The following LANCL3 variants were observed in gnomAD, a reference collection of about 807,000 sequenced individuals.
The protein encoded by LANCL3 is LanC like family member 3, also known as lanC-like protein 3.
In LANCL3, 19 loss-of-function variants were observed where a neutral mutation model predicts 26.5. The observed-to-expected ratio is 0.72, with a 90% CI of 0.50 to 1.05. The LOEUF is 1.05. Among genes scored for constraint, LANCL3 ranks in the 50% least tolerant of loss-of-function variants. The pLI, the probability that LANCL3 is intolerant of heterozygous loss-of-function variation, is 0.00. For missense variants in LANCL3, 318 were observed against 362.7 expected, an observed-to-expected ratio of 0.88 and a Z score of 1.00; for synonymous variants, 160 against 166.6, an observed-to-expected ratio of 0.96 and a Z score of 0.30.
At chrX:37,655,955 A>G (rs1926273978) in intron 2 of LANCL3, 144 bp downstream of exon 2, 9 of 420,304 alleles carry the variant, frequency 2.1e-5, no homozygotes, top group Non-Finnish European at 3.5e-5. Context: ...TTAAAAACCT[A>G]TACTGATACA....
At chrX:37,640,415 T>A (rs1306404293) in intron 1 of LANCL3, among the ~76,000 whole-genome samples, 3 of 111,165 alleles carry the variant, frequency 2.7e-5, no homozygotes, top group African/African-American at 9.8e-5. Flanking sequence ...CCCGCCCCCA[T>A]GATTCAATCA....
chrX:37,591,661 C>G (rs1277518196), intron 1 of LANCL3, among the ~76,000 whole-genome samples: 1 of 109,387 alleles, frequency 9.1e-6, no homozygotes, highest in African/African-American at 3.3e-5. Flanking sequence ...TGTAGGGAAG[C>G]TCTAGAGTGT....
At chrX:37,653,934 G>A (rs1926219882) in intron 1 of LANCL3, among the ~76,000 whole-genome samples, 1 of 110,768 alleles carries the variant, frequency 9.0e-6, no homozygotes, top group Admixed American at 9.6e-5. Flanking sequence ...AAAAAAAAGA[G>A]AATGTAGTCT....
Position 37,628,955 on chromosome X carries a change from G to T in LANCL3, c.574-26733G>T, listed in dbSNP as rs180781192. On this transcript the variant is annotated intron_variant, in intron 1 of 4. Transcript: ENST00000378619. ...CAGCATGATTTATAGTCCTTTGGGT[G>T]TATGCCCAGTAATGGGATGGCTGGG... Among the ~76,000 whole-genome samples, 176 of 110,598 alleles carry T rather than the reference G, an allele frequency of 1.6e-3. 1 individual carries two copies. The highest frequency in any genetic ancestry group is 5.4e-3 in the African/African-American group (163 of 30,322).
chrX:37,642,875 G>A (rs1182221640), intron 1 of LANCL3, among the ~76,000 whole-genome samples: 1 of 112,057 alleles, frequency 8.9e-6, no homozygotes, highest in Non-Finnish European at 1.9e-5. Flanking sequence ...ATTCAGAATT[G>A]GCCTTTCAAA....
intron 1 of LANCL3, among the ~76,000 whole-genome samples, chrX:37,617,878 A>G (rs947973510): frequency 8.9e-6 from 1 of 111,846 alleles, no homozygotes; most frequent in Non-Finnish European, 1.9e-5. Flanking sequence ...AGTCTTACAA[A>G]GGAATTTTTA....
At position 37,667,564 on chromosome X, in the gene LANCL3, C is replaced by G. The variant is rs2146790956; in HGVS notation, c.1103+75C>G. On this transcript the variant is annotated intron_variant, in intron 4 of 4. Coordinates refer to ENST00000378619, the MANE Select transcript of LANCL3 (RefSeq NM_001170331.2). ...TATTTTTCTGAATTACTAATATAGT[C>G]ACATGGTTTGAAAAGCATAAAAATA... The G allele has an allele frequency of 7.8e-6, 6 of 769,441 alleles. No homozygotes were observed. In the South Asian group the frequency reaches 2.3e-4, roughly 29 times the overall value. 63.4% of individuals were successfully genotyped at this position (769,441 alleles called of 1,213,427 possible).
chrX:37,596,654 GCTTT>G (rs1924437742), intron 1 of LANCL3, among the ~76,000 whole-genome samples: 1 of 111,646 alleles, frequency 9.0e-6, no homozygotes, highest in African/African-American at 3.3e-5. Context: ...TTTGTCTTTT[GCTTT>G]CTTAAGTTTC....
chrX:37,669,894 C>T (rs1351086417), intron 4 of LANCL3, among the ~76,000 whole-genome samples: 1 of 112,264 alleles, frequency 8.9e-6, no homozygotes, highest in Non-Finnish European at 1.9e-5. Flanking sequence ...CCCACCACCT[C>T]CCCGCTATGT....
chrX:37,597,978 T>G (rs1478423777), intron 1 of LANCL3, among the ~76,000 whole-genome samples: 23 of 110,933 alleles, frequency 2.1e-4, no homozygotes, highest in African/African-American at 7.5e-4. Flanking sequence ...GAGAAATGTC[T>G]ACTCAGATAC....
intron 1 of LANCL3, among the ~76,000 whole-genome samples, chrX:37,609,437 A>G (rs1428599083): frequency 1.8e-5 from 2 of 111,772 alleles, no homozygotes; most frequent in Non-Finnish European, 3.8e-5. Flanking sequence ...GGTATGAGGA[A>G]GTGTTATTGT....
intron 3 of LANCL3, among the ~76,000 whole-genome samples, chrX:37,664,814 G>T (rs1469748920): frequency 9.0e-6 from 1 of 111,717 alleles, no homozygotes; most frequent in Admixed American, 9.5e-5. Flanking sequence ...GAGAACATGT[G>T]GTGCTTGGTT....
At chrX:37,634,042 C>A (rs1925624620) in intron 1 of LANCL3, among the ~76,000 whole-genome samples, 1 of 112,637 alleles carries the variant, frequency 8.9e-6, no homozygotes, top group African/African-American at 3.2e-5. Context: ...AGAGGTGGAG[C>A]CTACAGAGGC....
chrX:37,612,506 G>A (rs782093118), intron 1 of LANCL3, among the ~76,000 whole-genome samples: 18 of 112,127 alleles, frequency 1.6e-4, no homozygotes, highest in Non-Finnish European at 3.0e-4. Context: ...TCTCCAGATG[G>A]CTGAGACTGT....
At chrX:37,633,307 G>A (rs988220163) in intron 1 of LANCL3, among the ~76,000 whole-genome samples, 20 of 110,241 alleles carry the variant, frequency 1.8e-4, no homozygotes, top group African/African-American at 2.3e-4. Flanking sequence ...TTTCAGCTCC[G>A]GTTATTCTAG....
At chrX:37,619,470 A>G (rs1925095898) in intron 1 of LANCL3, among the ~76,000 whole-genome samples, 2 of 111,379 alleles carry the variant, frequency 1.8e-5, no homozygotes, top group Non-Finnish European at 3.8e-5. Context: ...CAAGTAAGGG[A>G]GATGGACAGA....
chrX:37,628,799 A>G (rs1410016482), intron 1 of LANCL3, among the ~76,000 whole-genome samples: 2 of 110,131 alleles, frequency 1.8e-5, no homozygotes, highest in African/African-American at 6.6e-5. Flanking sequence ...ATGGCTGCAT[A>G]GTATTCCATG....
chrX:37,615,156 T>A (rs1924972184), intron 1 of LANCL3, among the ~76,000 whole-genome samples: 1 of 111,755 alleles, frequency 8.9e-6, no homozygotes, highest in Non-Finnish European at 1.9e-5. Flanking sequence ...CCTGCTCCCT[T>A]ATCATCTACC....
At chrX:37,614,395 C>T (rs1014456231) in intron 1 of LANCL3, among the ~76,000 whole-genome samples, 2 of 111,856 alleles carry the variant, frequency 1.8e-5, no homozygotes, top group Non-Finnish European at 3.8e-5. Flanking sequence ...AGCACCACTG[C>T]GGGACACATT....
Sources: allele counts gnomAD v4.1 joint callset (sites outside exome capture counted in the v4.1 genomes callset), GRCh38; gene constraint gnomAD v4.1.1; transcripts MANE v1.5; gene names NCBI Gene and HGNC (gene_info 2026-07-23, HGNC 2026-07-21).